MTCL1: variants seen among roughly 807,000 people sequenced by gnomAD.
MTCL1 encodes the protein microtubule cross-linking factor 1.
Under a neutral mutation model 141.4 loss-of-function variants are expected in MTCL1, and 79 were observed. The observed-to-expected ratio is 0.56, with a 90% CI of 0.47 to 0.67. The LOEUF (loss-of-function observed/expected upper bound fraction) is 0.67. Among genes scored for constraint, MTCL1 ranks in the 30% least tolerant of loss-of-function variants. MTCL1 has a pLI of 0.00. For synonymous variants in MTCL1, 914 were observed against 875.8 expected (o/e 1.04, Z -0.77); for missense variants, 2,177 against 2,113.9 (o/e 1.03, Z -0.59).
chr18:8,803,187 A>G (rs564893672), intron 10 of MTCL1, among the ~76,000 whole-genome samples: 2 of 151,848 alleles, frequency 1.3e-5, no homozygotes, highest in African/African-American at 4.8e-5. Context: ...GAAGAAAAAG[A>G]AAAAGGCTTG....
intron 4 of MTCL1, among the ~76,000 whole-genome samples, chr18:8,770,919 A>C (rs1230841298): frequency 6.6e-6 from 1 of 152,136 alleles, no homozygotes; most frequent in Admixed American, 6.6e-5. Context: ...GGCTCCCCGG[A>C]ACTATTAAAG....
chr18:8,785,313 A>G (rs1227381749), intron 6 of MTCL1, among the ~76,000 whole-genome samples: 1 of 152,226 alleles, frequency 6.6e-6, no homozygotes, highest in Non-Finnish European at 1.5e-5. Context: ...TTCAAGGGAC[A>G]CAGTGCAGTC....
chr18:8,750,564 A>G (rs1032307041), intron 4 of MTCL1, among the ~76,000 whole-genome samples: 1 of 152,154 alleles, frequency 6.6e-6, no homozygotes, highest in Non-Finnish European at 1.5e-5. Context: ...GGAAGTTTCT[A>G]TCTTCTAATC....
intron 10 of MTCL1, among the ~76,000 whole-genome samples, chr18:8,802,684 C>G (rs2076161482): frequency 6.6e-6 from 1 of 152,212 alleles, no homozygotes; most frequent in Non-Finnish European, 1.5e-5. Context: ...TATTATAGCA[C>G]ATTGTAAGTC....
chr18:8,715,595 C>T (rs915232197), upstream of MTCL1, among the ~76,000 whole-genome samples: 12 of 152,154 alleles, frequency 7.9e-5, no homozygotes, highest in African/African-American at 2.9e-4. Flanking sequence ...AACAATTAAC[C>T]TCTTTACTCA....
At chr18:8,764,347 C>G (rs923355410) in intron 4 of MTCL1, among the ~76,000 whole-genome samples, 3 of 148,720 alleles carry the variant, frequency 2.0e-5, no homozygotes, top group Non-Finnish European at 4.5e-5. Context: ...GACAGAGTTT[C>G]GTTCTTGTTG....
intron 15 of MTCL1, among the ~76,000 whole-genome samples, chr18:8,826,561 A>C (rs1195390226): frequency 6.6e-6 from 1 of 152,188 alleles, no homozygotes; most frequent in Admixed American, 6.5e-5. Flanking sequence ...TTCTGTGTGA[A>C]TTCGTGCACA....
chr18:8,734,870 T>C (rs2096268235), intron 4 of MTCL1, among the ~76,000 whole-genome samples: 1 of 152,196 alleles, frequency 6.6e-6, no homozygotes, highest in Non-Finnish European at 1.5e-5. Flanking sequence ...ACTTCCCTGG[T>C]GGTTTCAGGT....
intron 10 of MTCL1, among the ~76,000 whole-genome samples, chr18:8,804,096 G>A (rs992122535): frequency 1.3e-5 from 2 of 152,062 alleles, no homozygotes; most frequent in African/African-American, 4.8e-5. Flanking sequence ...GACTCAAAAA[G>A]CAGTGATTTT....
intron 2 of MTCL1, chr18:8,717,981 G>A (rs1377432123): frequency 2.0e-6 from 2 of 1,011,122 alleles, no homozygotes; most frequent in Non-Finnish European, 2.4e-6. Context: ...TAGTTCCAGG[G>A]CAATTAGCAC....
intron 4 of MTCL1, among the ~76,000 whole-genome samples, chr18:8,765,744 C>G (rs2096456836): frequency 6.6e-6 from 1 of 152,142 alleles, no homozygotes; most frequent in African/African-American, 2.4e-5. Context: ...TTAGAAGGAC[C>G]CGGGACATGT....
At chr18:8,776,523 C>T (rs2096509503) in intron 4 of MTCL1, among the ~76,000 whole-genome samples, 1 of 152,120 alleles carries the variant, frequency 6.6e-6, no homozygotes, top group African/African-American at 2.4e-5. Context: ...GGTTCCCAGG[C>T]ACTGAAGGAC....
chr18:8,795,912 T>C (rs552259722), intron 8 of MTCL1, among the ~76,000 whole-genome samples: 3 of 152,270 alleles, frequency 2.0e-5, no homozygotes, highest in African/African-American at 7.2e-5. Flanking sequence ...TTCAAGTCAG[T>C]GGTAAGCCGC....
chr18:8,811,237 T>A (rs2076472641), intron 11 of MTCL1: 1 of 152,236 alleles, frequency 6.6e-6, no homozygotes, highest in African/African-American at 2.4e-5. Flanking sequence ...GCAGATCACA[T>A]GGCAAGAAAG....
At chr18:8,729,584 T>C (rs987205920) in intron 4 of MTCL1, among the ~76,000 whole-genome samples, 1 of 151,198 alleles carries the variant, frequency 6.6e-6, no homozygotes, top group African/African-American at 2.4e-5. Flanking sequence ...AGAAAATCTT[T>C]TGTAGAGATG....
exon 6 of MTCL1, chr18:8,784,335 G>A (rs372469977): frequency 2.6e-5 from 41 of 1,548,146 alleles, no homozygotes; most frequent in Middle Eastern, 1.7e-4. Context: ...CAGCCCAAGC[G>A]GGAAGGGCCT....
chr18:8,824,486 G>C (rs1232970412), intron 14 of MTCL1, among the ~76,000 whole-genome samples: 1 of 152,184 alleles, frequency 6.6e-6, no homozygotes, highest in African/African-American at 2.4e-5. Context: ...CCAATGCAAG[G>C]CTTCAGGAAC....
intron 11 of MTCL1, among the ~76,000 whole-genome samples, chr18:8,807,901 T>C (rs2076353368): frequency 6.6e-6 from 1 of 150,542 alleles, no homozygotes; most frequent in Admixed American, 6.7e-5. Context: ...ATAAAGTAAG[T>C]AAAATTTTGT....
intron 13 of MTCL1, among the ~76,000 whole-genome samples, chr18:8,820,646 A>G (rs1465540291): frequency 1.3e-5 from 2 of 152,210 alleles, no homozygotes; most frequent in South Asian, 2.1e-4. Context: ...TCTATTGGCA[A>G]TCTTATACAG....
Sources: gnomAD v4.1 joint callset for allele counts (sites outside exome capture counted in the v4.1 genomes callset) on GRCh38, gnomAD v4.1.1 for gene constraint, MANE v1.5 for transcripts, NCBI Gene and HGNC (gene_info 2026-07-23, HGNC 2026-07-21) for gene names.